FHIT: variants seen among roughly 807,000 people sequenced by gnomAD.
FHIT encodes fragile histidine triad diadenosine triphosphatase, also known as bis(5'-adenosyl)-triphosphatase.
In FHIT, 19 loss-of-function variants were observed where a neutral mutation model predicts 17.9. The observed-to-expected ratio is 1.06, with a 90% confidence interval of 0.74 to 1.56. The LOEUF (loss-of-function observed/expected upper bound fraction) is 1.56. Among genes scored for constraint, FHIT ranks in the 40% most tolerant of loss-of-function variants. The pLI is 0.00. For missense variants in FHIT, 248 were observed against 189.2 expected (o/e 1.31, Z -1.82); for synonymous variants, 81 against 69.7 (o/e 1.16, Z -0.81).
intron 5 of FHIT, among the ~76,000 whole-genome samples, chr3:60,264,372 T>C (rs144929390): frequency 0.012 from 889 of 73,124 alleles, 21 homozygotes; most frequent in Admixed American, 0.1. Flanking sequence ...ATAGTTCAGC[T>C]CATATTACAT....
chr3:60,152,953 G>C (rs1700530056), intron 5 of FHIT, among the ~76,000 whole-genome samples: 1 of 152,108 alleles, frequency 6.6e-6, no homozygotes, highest in Admixed American at 6.6e-5. Flanking sequence ...TCTAAAGGAA[G>C]GCCAAGTGAA....
At chr3:59,890,131 C>G (rs1048366294) in intron 8 of FHIT, among the ~76,000 whole-genome samples, 1 of 152,174 alleles carries the variant, frequency 6.6e-6, no homozygotes, top group Non-Finnish European at 1.5e-5. Flanking sequence ...AGATTCCAGC[C>G]TGATCTATCA....
At chr3:60,083,143 T>C (rs1283384418) in intron 5 of FHIT, among the ~76,000 whole-genome samples, 2 of 152,158 alleles carry the variant, frequency 1.3e-5, no homozygotes, top group Non-Finnish European at 2.9e-5. Context: ...TTTTTGTATA[T>C]GGTGAAAGGT....
chr3:60,771,380 C>T (rs1553723019), intron 4 of FHIT, among the ~76,000 whole-genome samples: 2 of 152,204 alleles, frequency 1.3e-5, no homozygotes, highest in Admixed American at 6.5e-5. Flanking sequence ...AAAACTCCTC[C>T]AAAGTGTTAA....
rs144051580 is a variant in FHIT at position 60,065,608 on chromosome 3, A to G, written c.104-51456T>C. On this transcript the variant is annotated intron_variant, in intron 5 of 9. Transcript: ENST00000492590. ...GGCAAGCCCTTTGTTTTACACAGCAAGAAAGTGAGACCTAATCAGTTAGAG... is the reference window on the plus strand; with the variant it reads ...GGCAAGCCCTTTGTTTTACACAGCAGGAAAGTGAGACCTAATCAGTTAGAG... Among the ~76,000 whole-genome samples the G allele has an allele frequency of 3.1e-3, 476 of 152,350 alleles. 1 individual carries two copies. The highest frequency in any genetic ancestry group is 0.011 in the African/African-American group (448 of 41,596).
At chr3:59,931,685 C>CA (rs1169631377) in intron 7 of FHIT, among the ~76,000 whole-genome samples, 11 of 151,694 alleles carry the variant, frequency 7.3e-5, no homozygotes, top group African/African-American at 1.2e-4. Flanking sequence ...TCAGTTTAAA[C>CA]AAAAAAAATA....
intron 4 of FHIT, among the ~76,000 whole-genome samples, chr3:60,575,466 C>T (rs573299336): frequency 4.6e-5 from 7 of 152,138 alleles, no homozygotes; most frequent in African/African-American, 1.4e-4. Flanking sequence ...TGGACTGGAA[C>T]TCATGGAAGG....
intron 2 of FHIT, among the ~76,000 whole-genome samples, chr3:61,187,085 T>C (rs1366300387): frequency 1.3e-5 from 2 of 152,228 alleles, no homozygotes; most frequent in Non-Finnish European, 2.9e-5. Flanking sequence ...AGCACATTCC[T>C]AGCATATTAC....
At chr3:60,184,436 T>C (rs150007685) in intron 5 of FHIT, among the ~76,000 whole-genome samples, 12 of 152,288 alleles carry the variant, frequency 7.9e-5, no homozygotes, top group African/African-American at 2.9e-4. Context: ...GGCAAGTATG[T>C]TGCTGAAGTC....
chr3:59,835,066 T>C (rs1456957432), intron 8 of FHIT, among the ~76,000 whole-genome samples: 1 of 152,170 alleles, frequency 6.6e-6, no homozygotes, highest in East Asian at 1.9e-4. Flanking sequence ...GTTGTGTAAA[T>C]AACCCAATCT....
chr3:60,825,628 G>C (rs569639558), intron 3 of FHIT, among the ~76,000 whole-genome samples: 2 of 152,152 alleles, frequency 1.3e-5, no homozygotes, highest in South Asian at 4.2e-4. Flanking sequence ...ATAGGAGCAG[G>C]AACCCTAGTG....
chr3:60,054,721 G>C (rs1372070030), intron 5 of FHIT, among the ~76,000 whole-genome samples: 1 of 152,140 alleles, frequency 6.6e-6, no homozygotes, highest in Non-Finnish European at 1.5e-5. Context: ...CACAGGAAAA[G>C]AATCAACAAA....
chr3:60,915,970 A>C (rs1421721976), intron 3 of FHIT, among the ~76,000 whole-genome samples: 1 of 152,200 alleles, frequency 6.6e-6, no homozygotes, highest in Non-Finnish European at 1.5e-5. Context: ...CCTCTTCAAC[A>C]TATGCATATG....
intron 2 of FHIT, among the ~76,000 whole-genome samples, chr3:61,155,394 A>G (rs1314331823): frequency 6.6e-6 from 1 of 151,610 alleles, no homozygotes; most frequent in Non-Finnish European, 1.5e-5. Context: ...ACTGAATCAA[A>G]TAGAACAGAA....
At chr3:61,081,147 T>C (rs1256630580) in intron 2 of FHIT, among the ~76,000 whole-genome samples, 1 of 152,200 alleles carries the variant, frequency 6.6e-6, no homozygotes, top group Admixed American at 6.5e-5. Flanking sequence ...TAATTTGCAG[T>C]AGCCCTGCTT....
intron 4 of FHIT, among the ~76,000 whole-genome samples, chr3:60,706,545 G>A (rs1352779824): frequency 2.0e-5 from 3 of 152,132 alleles, no homozygotes; most frequent in African/African-American, 7.2e-5. Context: ...TATTATCAGA[G>A]TGAACAATAA....
At chr3:60,308,502 A>G (rs1159621312) in intron 5 of FHIT, among the ~76,000 whole-genome samples, 591 of 16,682 alleles carry the variant, frequency 0.035, 4 homozygotes, top group African/African-American at 0.17. Context: ...ATGTGTATAT[A>G]TATATATATA....
chr3:59,837,849 G>A (rs775071466), intron 8 of FHIT, among the ~76,000 whole-genome samples: 1 of 152,074 alleles, frequency 6.6e-6, no homozygotes, highest in Non-Finnish European at 1.5e-5. Context: ...TGGTGGTGGT[G>A]TGGGGGGGTG....
intron 4 of FHIT, among the ~76,000 whole-genome samples, chr3:60,634,048 A>G (rs1559600890): frequency 6.6e-6 from 1 of 152,180 alleles, no homozygotes; most frequent in Non-Finnish European, 1.5e-5. Context: ...CTGGACTTTG[A>G]GTAACATGAG....
Sources: gnomAD v4.1 joint callset for allele counts (sites outside exome capture counted in the v4.1 genomes callset) on GRCh38, gnomAD v4.1.1 for gene constraint, MANE v1.5 for transcripts, NCBI Gene and HGNC (gene_info 2026-07-23, HGNC 2026-07-21) for gene names.